Variants in ATP7A observed in about 807,000 individuals in gnomAD.
ATP7A encodes the protein ATPase copper transporting alpha.
In ATP7A, 7 loss-of-function variants were observed where a neutral mutation model predicts 83.5. The observed-to-expected ratio is 0.08, with a 90% CI of 0.05 to 0.16. The LOEUF (loss-of-function observed/expected upper bound fraction) is 0.16. Ranked by LOEUF, ATP7A falls within the 10% of genes least tolerant of loss-of-function variation. The pLI, the probability that ATP7A is intolerant of heterozygous loss-of-function variation, is 1.00. For missense variants in ATP7A, 940 were observed against 1,120.8 expected, an observed-to-expected ratio of 0.84 and a Z score of 2.30; for synonymous variants, 354 against 395.2, an observed-to-expected ratio of 0.90 and a Z score of 1.24.
At chrX:77,988,781 A>T (rs1557231694) in intron 3 of ATP7A, 50 bp downstream of exon 3, 1 of 1,204,343 alleles carries the variant, frequency 8.3e-7, no homozygotes, top group South Asian at 1.8e-5. Context: ...GTCTGTTTTG[A>T]TCTTTTAACT....
intron 14 of ATP7A, among the ~76,000 whole-genome samples, chrX:78,026,912 G>T (rs782049092): frequency 5.4e-5 from 6 of 111,438 alleles, no homozygotes; most frequent in Non-Finnish European, 9.4e-5. Flanking sequence ...ACTTTGGGAG[G>T]CCGAGGCGGG....
chrX:77,934,488 C>G (rs2077308913), intron 1 of ATP7A, among the ~76,000 whole-genome samples: 1 of 111,674 alleles, frequency 9.0e-6, no homozygotes, highest in Admixed American at 9.6e-5. Context: ...AGAAGTCTCT[C>G]TTTGATATTT....
intron 7 of ATP7A, among the ~76,000 whole-genome samples, chrX:78,010,510 A>G: frequency 9.1e-6 from 1 of 110,120 alleles, no homozygotes; most frequent in Non-Finnish European, 1.9e-5. Context: ...TTTTTCTGAT[A>G]AAACAAGACT....
chrX:78,013,450 T>C (rs2077841306), intron 10 of ATP7A, among the ~76,000 whole-genome samples: 1 of 111,669 alleles, frequency 9.0e-6, no homozygotes, highest in Non-Finnish European at 1.9e-5. Context: ...CTTGCTATAA[T>C]GTAAATCATT....
chrX:77,990,920 A>T (rs1016226713), intron 4 of ATP7A, among the ~76,000 whole-genome samples: 2 of 112,321 alleles, frequency 1.8e-5, no homozygotes, highest in African/African-American at 6.5e-5. Context: ...AAAAAATTTT[A>T]CTAAACACAT....
intron 5 of ATP7A, among the ~76,000 whole-genome samples, chrX:78,001,654 C>CT (rs1406799547): frequency 2.7e-5 from 3 of 111,097 alleles, no homozygotes; most frequent in Admixed American, 9.7e-5. Context: ...ATCATTTTTT[C>CT]TTTTTTTATC....
chrX:78,042,600 G>A lies in ATP7A; in HGVS notation c.3817G>A (p.Val1273Met), dbSNP rs1557238571. The A allele has an allele frequency of 8.3e-7, 1 of 1,211,561 alleles. No individual in the cohort carries two copies. Among genetic ancestry groups the A allele is most frequent in the Admixed American group, 2.2e-5 (1 of 46,052 alleles). Reference sequence around the variant, plus strand: ...CATCACATAGGTTGGCATTACTAAGGTGTTTGCTGAAGTTCTACCTTCTCA... The same window carrying A: ...CATCACATAGGTTGGCATTACTAAGATGTTTGCTGAAGTTCTACCTTCTCA... ...SIASQVGITK[V>M]FAEVLPSHKV... The change falls in exon 20 of 23, where the codon GTG becomes ATG. Residue 1273 changes from valine to methionine, a missense_variant. Physicochemically the swap from Val to Met is conservative, Grantham distance 21 (BLOSUM62 1). Around this residue, in one of 3 missense-constraint regions of ATP7A, gnomAD observed 386 missense variants for 502.2 expected, o/e 0.77. Transcript: ENST00000341514.
At chrX:77,931,618 A>G (rs1483155295) in intron 1 of ATP7A, among the ~76,000 whole-genome samples, 3 of 105,894 alleles carry the variant, frequency 2.8e-5, no homozygotes, top group African/African-American at 7.0e-5. Context: ...CACCTCCCGG[A>G]CGGGGCGGCT....
chrX:77,983,829 C>T (rs2077618651), intron 2 of ATP7A, among the ~76,000 whole-genome samples: 1 of 110,115 alleles, frequency 9.1e-6, no homozygotes, highest in South Asian at 3.9e-4. Flanking sequence ...GGATTACAGG[C>T]GCCCGCCACC....
At chrX:78,014,117 G>A (rs1557234856) in intron 10 of ATP7A, among the ~76,000 whole-genome samples, 1 of 110,390 alleles carries the variant, frequency 9.1e-6, no homozygotes, top group African/African-American at 3.3e-5. Context: ...AATATTTTGT[G>A]TACTTTTAGG....
intron 1 of ATP7A, among the ~76,000 whole-genome samples, chrX:77,956,063 T>G (rs1362629878): frequency 9.0e-6 from 1 of 111,458 alleles, no homozygotes; most frequent in Non-Finnish European, 1.9e-5. Flanking sequence ...ATGGATTGAT[T>G]CCATATTTTG....
chrX:77,913,010 CAAGAG>C (rs2077168804), intron 1 of ATP7A, among the ~76,000 whole-genome samples: 1 of 111,834 alleles, frequency 8.9e-6, no homozygotes, highest in African/African-American at 3.3e-5. Flanking sequence ...GCTTACAAAA[CAAGAG>C]AGAGAGAGAA....
At chrX:77,950,880 G>A (rs1419889748) in intron 1 of ATP7A, among the ~76,000 whole-genome samples, 3 of 109,953 alleles carry the variant, frequency 2.7e-5, no homozygotes, top group African/African-American at 6.6e-5. Context: ...AAATTAGCCC[G>A]GTGTGGAGGC....
At position 78,043,361 on chromosome X, in the gene ATP7A, G is replaced by T; in HGVS notation, c.4050G>T (p.Lys1350Asn). The T allele has an allele frequency of 2.5e-6, 3 of 1,208,883 alleles. No individual in the cohort carries two copies. The highest frequency in any genetic ancestry group is 2.2e-6 in the Non-Finnish European group (2 of 893,092). Residue 1350 changes from lysine to asparagine, a missense_variant, in exon 21 of 23, where the codon AAG (lysine) becomes AAT (asparagine). By Grantham distance (94) the Lys-to-Asn change is moderately conservative (BLOSUM62 0). This residue lies in a region of ATP7A where 386 missense variants were observed against 502.2 expected (regional missense o/e 0.77). Transcript: ENST00000341514. ...DVVASIDLSR[K>N]TVKRIRINFV... ...TGGCAAGTATTGACTTATCAAGAAA[G>T]ACAGTCAAGAGGATTCGGATAAATT...
At chrX:77,935,590 C>G (rs188207086) in intron 1 of ATP7A, among the ~76,000 whole-genome samples, 1 of 112,063 alleles carries the variant, frequency 8.9e-6, no homozygotes, top group Non-Finnish European at 1.9e-5. Flanking sequence ...TGAAGCTTAC[C>G]TATATTTTGG....
chrX:78,043,722 A>G lies in ATP7A; in HGVS notation c.4123+288A>G, dbSNP rs112181954. On this transcript the variant is annotated intron_variant, in intron 21 of 22. Coordinates refer to ENST00000341514, the MANE Select transcript of ATP7A (RefSeq NM_000052.7). ...GCCCAGGCTGGAGTGCAGTCATACA[A>G]TCTCGGCTCACTGCAGCCTCCATCT... Among the ~76,000 whole-genome samples, 24,119 of 99,210 alleles carry G rather than the reference A, an allele frequency of 0.24. 2,654 individuals carry two copies. The highest frequency in any genetic ancestry group is 0.34 in the South Asian group (643 of 1,915). 86.2% of individuals were successfully genotyped at this position (99,210 alleles called of 115,157 possible).
chrX:77,956,726 C>CTCTCTCTTT lies in ATP7A; in HGVS notation c.-21-14895_-21-14894insTCTCTCTTT, dbSNP rs1557227391. On this transcript the variant is annotated intron_variant, in intron 1 of 22. Coordinates refer to ENST00000341514, the MANE Select transcript of ATP7A (RefSeq NM_000052.7). ...TTTTTCTTTATCAATTACCCAGTCT[C>CTCTCTCTTT]CTTTCTTTCTTTCTTTCTTTCTTTC... is the stretch of plus-strand genomic sequence containing the variant. Among the ~76,000 whole-genome samples the CTCTCTCTTT allele has an allele frequency of 6.8e-5, 5 of 73,772 alleles. 1 individual carries two copies. The highest frequency in any genetic ancestry group is 1.5e-3 in the South Asian group (2 of 1,335). 64.1% of individuals were successfully genotyped at this position (73,772 alleles called of 115,157 possible).
At chrX:77,962,694 G>A (rs1455400860) in intron 1 of ATP7A, 3 of 383,094 alleles carry the variant, frequency 7.8e-6, no homozygotes, top group Non-Finnish European at 1.6e-5. Context: ...GAGCAGCAGC[G>A]GAACAGTAGA....
intron 15 of ATP7A, among the ~76,000 whole-genome samples, chrX:78,029,864 G>C (rs1197210937): frequency 9.0e-6 from 1 of 111,655 alleles, no homozygotes; most frequent in Non-Finnish European, 1.9e-5. Context: ...GCTGCCACCA[G>C]CCGACAGTTT....
Sources: gnomAD v4.1 joint callset for allele counts (sites outside exome capture counted in the v4.1 genomes callset) on GRCh38, gnomAD v4.1.1 for gene constraint, gnomAD v4.1.1 regional missense constraint, MANE v1.5 for transcripts, NCBI Gene and HGNC (gene_info 2026-07-23, HGNC 2026-07-21) for gene names.